Variants in RSU1 observed in about 807,000 individuals in gnomAD.
RSU1 encodes Ras suppressor protein 1, also known as rsu-1.
RSU1 carries 26 observed loss-of-function variants against 31.1 expected under a neutral mutation model. The ratio of observed to expected loss-of-function variants is 0.84; its 90% confidence interval spans 0.61 to 1.16. RSU1 has a LOEUF of 1.16. Among genes scored for constraint, RSU1 ranks in the 50% most tolerant of loss-of-function variants. The pLI is 0.00. For synonymous variants in RSU1, 164 were observed against 136.3 expected (o/e 1.20, Z -1.41); for missense variants, 320 against 339.1 (o/e 0.94, Z 0.44).
At chr10:16,749,904 G>A (rs1325899581) in intron 7 of RSU1, among the ~76,000 whole-genome samples, 1 of 152,106 alleles carries the variant, frequency 6.6e-6, no homozygotes, top group Non-Finnish European at 1.5e-5. Flanking sequence ...ACCAGCATAT[G>A]GGTGGGAAAA....
At chr10:16,732,114 A>C (rs1406958422) in intron 7 of RSU1, among the ~76,000 whole-genome samples, 1 of 60,704 alleles carries the variant, frequency 1.6e-5, no homozygotes, top group African/African-American at 1.5e-4. Flanking sequence ...ACCTAACTGA[A>C]TGAAAAGCAG....
At chr10:16,709,223 T>C (rs150531363) in intron 7 of RSU1, among the ~76,000 whole-genome samples, 10,009 of 148,742 alleles carry the variant, frequency 0.067, 648 homozygotes, top group African/African-American at 0.17. Context: ...TCAATTCCCA[T>C]CTATGAGTGA....
intron 7 of RSU1, among the ~76,000 whole-genome samples, chr10:16,717,063 T>A (rs1453020822): frequency 6.6e-6 from 1 of 152,228 alleles, no homozygotes; most frequent in East Asian, 1.9e-4. Flanking sequence ...AAATTAACTT[T>A]ATTTTTTTAT....
intron 7 of RSU1, 36 bp from the exon 8 acceptor site, chr10:16,695,191 A>G: frequency 6.3e-7 from 1 of 1,583,388 alleles, no homozygotes; most frequent in African/African-American, 1.4e-5. Context: ...AGGTCACTTC[A>G]TCCAATACAG....
chr10:16,655,818 A>T (rs1834766330), intron 8 of RSU1, among the ~76,000 whole-genome samples: 1 of 152,158 alleles, frequency 6.6e-6, no homozygotes, highest in Admixed American at 6.6e-5. Context: ...TTTTAGATAC[A>T]ATGCTATTGC....
At chr10:16,712,521 G>C (rs1836042218) in intron 7 of RSU1, among the ~76,000 whole-genome samples, 2 of 151,910 alleles carry the variant, frequency 1.3e-5, no homozygotes, top group Admixed American at 6.6e-5. Context: ...GGTTACCATG[G>C]GGCTAACATA....
intron 2 of RSU1, among the ~76,000 whole-genome samples, chr10:16,782,903 A>C (rs1357397402): frequency 6.9e-6 from 1 of 145,106 alleles, no homozygotes; most frequent in Non-Finnish European, 1.5e-5. Flanking sequence ...TGTATGTGTA[A>C]ATTTTTCCTA....
rs551526800 is a variant in RSU1 at position 16,654,095 on chromosome 10, C to T, written c.731+40928G>A. On this transcript the variant is annotated intron_variant, in intron 8 of 8. Transcript: ENST00000345264. Reference sequence around the variant, plus strand: ...CTGGCTCACTGCAACCTCTGCCTCCCGGGCTCAAGCGATTCTCTTGCTTTA... The same window carrying T: ...CTGGCTCACTGCAACCTCTGCCTCCTGGGCTCAAGCGATTCTCTTGCTTTA... 6.6e-5 allele frequency among the ~76,000 whole-genome samples: 10 copies of T among 151,974 alleles called. No individual in the cohort carries two copies. The South Asian group carries it at 1.3e-3, about 19-fold the overall frequency.
intron 2 of RSU1, among the ~76,000 whole-genome samples, chr10:16,802,909 T>C (rs1342093096): frequency 6.6e-6 from 1 of 152,146 alleles, no homozygotes; most frequent in Non-Finnish European, 1.5e-5. Context: ...ACAAAAAACC[T>C]GCAATTAACA....
intron 8 of RSU1, among the ~76,000 whole-genome samples, chr10:16,693,195 C>T (rs1835599464): frequency 6.6e-6 from 1 of 152,182 alleles, no homozygotes; most frequent in Non-Finnish European, 1.5e-5. Flanking sequence ...TCAAGTGATC[C>T]ACCCGCCTTG....
At chr10:16,713,250 C>G (rs921214851) in intron 7 of RSU1, among the ~76,000 whole-genome samples, 9 of 152,200 alleles carry the variant, frequency 5.9e-5, no homozygotes, top group African/African-American at 2.2e-4. Context: ...TCTGCCAAGA[C>G]TAGGGAAGTT....
intron 8 of RSU1, among the ~76,000 whole-genome samples, chr10:16,641,964 T>C (rs1314859633): frequency 1.3e-5 from 2 of 152,174 alleles, no homozygotes; most frequent in African/African-American, 4.8e-5. Flanking sequence ...GTGTGAAAAG[T>C]GTCCCACAGG....
chr10:16,684,686 G>C (rs1466607583), intron 8 of RSU1, among the ~76,000 whole-genome samples: 1 of 152,130 alleles, frequency 6.6e-6, no homozygotes, highest in African/African-American at 2.4e-5. Flanking sequence ...TCTAGAACAT[G>C]AGACAATGAA....
intron 8 of RSU1, among the ~76,000 whole-genome samples, chr10:16,596,680 CG>C (rs1376677240): frequency 6.6e-6 from 1 of 152,144 alleles, no homozygotes; most frequent in Non-Finnish European, 1.5e-5. Context: ...CAAAAAAATA[CG>C]TATGTACATT....
intron 4 of RSU1, among the ~76,000 whole-genome samples, chr10:16,759,337 C>CA (rs5783516): frequency 2.0e-3 from 292 of 147,862 alleles, no homozygotes; most frequent in Middle Eastern, 0.017. Context: ...CCGTCTATAC[C>CA]AAAAAAAAAA....
intron 8 of RSU1, among the ~76,000 whole-genome samples, chr10:16,611,495 G>A (rs1417336580): frequency 1.3e-5 from 2 of 152,142 alleles, no homozygotes; most frequent in African/African-American, 4.8e-5. Context: ...CGCTACTACT[G>A]AGTTCCCATA....
intron 2 of RSU1, among the ~76,000 whole-genome samples, chr10:16,791,635 C>CAAAAAAAAAAAAA (rs553951655): frequency 1.0e-5 from 1 of 98,484 alleles, no homozygotes. Flanking sequence ...CTCAAAAAAA[C>CAAAAAAAAAAAAA]AAAAAAAAAA....
rs549470908 is a variant in RSU1 at position 16,738,721 on chromosome 10, C to T, written c.598+13818G>A. The stretch of plus-strand genomic sequence containing the variant: ...TTTAAAAAAAAATTATTTTAAGTTC[C>T]AGGATACCTATGCAGAACTTGCAGG... On this transcript the variant is annotated intron_variant, in intron 7 of 8. Coordinates refer to ENST00000345264, the MANE Select transcript of RSU1 (RefSeq NM_012425.4). 3.9e-5 allele frequency among the ~76,000 whole-genome samples: 6 copies of T among 152,164 alleles called. No individual in the cohort carries two copies. In the East Asian group the frequency reaches 1.2e-3, roughly 29 times the overall value.
chr10:16,766,270 C>T (rs758020155), intron 3 of RSU1, among the ~76,000 whole-genome samples: 35 of 152,218 alleles, frequency 2.3e-4, no homozygotes, highest in Admixed American at 8.5e-4. Flanking sequence ...CTCAAAGTTC[C>T]TCCAGAACCC....
Sources: gnomAD v4.1 joint callset for allele counts (sites outside exome capture counted in the v4.1 genomes callset) on GRCh38, gnomAD v4.1.1 for gene constraint, MANE v1.5 for transcripts, NCBI Gene and HGNC (gene_info 2026-07-23, HGNC 2026-07-21) for gene names.